Variants in KIF1B observed in about 807,000 individuals in gnomAD.
KIF1B encodes kinesin-like protein KIF1B.
A neutral mutation model predicts 241.9 loss-of-function variants in KIF1B; 76 were observed. The ratio of observed to expected loss-of-function variants is 0.31; its 90% CI spans 0.26 to 0.38. The LOEUF is 0.38. Among genes scored for constraint, KIF1B ranks in the 10% least tolerant of loss-of-function variants. The pLI is 1.00. For synonymous variants in KIF1B, 750 were observed against 796.7 expected, an observed-to-expected ratio of 0.94 and a Z score of 0.99; for missense variants, 1,622 against 2,271.4, an observed-to-expected ratio of 0.71 and a Z score of 5.81.
chr1:10,313,073 T>C (rs913919650), intron 22 of KIF1B, among the ~76,000 whole-genome samples: 2 of 151,528 alleles, frequency 1.3e-5, no homozygotes, highest in East Asian at 3.8e-4. Flanking sequence ...TTTTGTTTTT[T>C]GTTTTTTTAT....
Position 10,380,316 on chromosome 1 carries a change from G to T in KIF1B, c.*3729G>T. The T allele has an allele frequency of 4.8e-6, 1 of 209,098 alleles. No homozygotes were observed. Among genetic ancestry groups the T allele is most frequent in the Non-Finnish European group, 9.8e-6 (1 of 102,518 alleles). The allele number at this position is 209,098 out of a possible 1,614,324, so 13.0% of individuals were successfully genotyped here. A position where few individuals can be genotyped will look rare whatever the true frequency, so the allele number is the denominator to read the frequency against. On this transcript the variant is annotated 3_prime_UTR_variant, in exon 49 of 49. Coordinates refer to ENST00000676179, the MANE Select transcript of KIF1B (RefSeq NM_001365951.3). ...CTGCATTTCCCTCGTGCTGTGTCCCGCTCGGGTTCCAATGGACAGTATCAG... is the reference window on the plus strand; with the variant it reads ...CTGCATTTCCCTCGTGCTGTGTCCCTCTCGGGTTCCAATGGACAGTATCAG...
At chr1:10,313,712 G>A (rs902322275) in intron 22 of KIF1B, among the ~76,000 whole-genome samples, 10 of 150,294 alleles carry the variant, frequency 6.7e-5, no homozygotes, top group South Asian at 2.1e-4. Context: ...CACCACACCC[G>A]GCTAATTTTT....
intron 28 of KIF1B, 111 bp from the exon 29 acceptor site, chr1:10,336,546 G>A (rs574818395): frequency 6.5e-5 from 55 of 842,356 alleles, no homozygotes; most frequent in Admixed American, 2.1e-4. Flanking sequence ...TACTACTTTG[G>A]TATCATTCTC....
At chr1:10,278,741 G>A (rs1377489238) in intron 13 of KIF1B, 3 of 218,500 alleles carry the variant, frequency 1.4e-5, no homozygotes, top group Non-Finnish European at 2.7e-5. Flanking sequence ...AAAAATCTCC[G>A]TGATGTGCCT....
In KIF1B at chr1:10,374,933, C is replaced by T. The variant is rs754479325; in HGVS notation, c.5176C>T (p.Arg1726Cys). 21 of 1,613,900 alleles carry T rather than the reference C, an allele frequency of 1.3e-5. No homozygotes were observed. The highest frequency in any genetic ancestry group is 1.1e-5 in the South Asian group (1 of 91,086). The change falls in exon 47 of 49, where the codon CGT (arginine) becomes TGT (cysteine). Residue 1726 changes from arginine to cysteine, a missense_variant. This residue lies in a region of KIF1B where 357 missense variants were observed against 409.0 expected (regional missense o/e 0.87). Coordinates refer to ENST00000676179, the MANE Select transcript of KIF1B (RefSeq NM_001365951.3). The surrounding 1 kb of genome is among the most constrained non-coding windows in gnomAD (Gnocchi z 4.3). ...SNWAKHFVVV[R>C]RPYVFIYNSD... Reference sequence around the variant, plus strand: ...CTGGGCTAAACATTTTGTTGTCGTCCGTCGGCCTTATGTCTTCATCTATAA... The same window carrying T: ...CTGGGCTAAACATTTTGTTGTCGTCTGTCGGCCTTATGTCTTCATCTATAA...
Position 10,303,995 on chromosome 1 carries a change from TAA to T in KIF1B, c.2115+6750_2115+6751del. On this transcript the variant is annotated intron_variant, in intron 22 of 48. Coordinates refer to ENST00000676179, the MANE Select transcript of KIF1B (RefSeq NM_001365951.3). The surrounding 1 kb of genome is among the most constrained non-coding windows in gnomAD (Gnocchi z 5.2). ...TTTAAGAACTTGCAACAGCAGGAGATAACAAAGCAGCTTCGTCGGCAGAATGT... is the reference window on the plus strand; with the variant it reads ...TTTAAGAACTTGCAACAGCAGGAGATCAAAGCAGCTTCGTCGGCAGAATGT... The T allele has an allele frequency of 6.2e-7, 1 of 1,612,274 alleles. No homozygotes were observed. The highest frequency in any genetic ancestry group is 8.5e-7 in the Non-Finnish European group (1 of 1,179,078).
At chr1:10,307,599 C>T (rs1049839638) in intron 22 of KIF1B, 20 of 1,008,572 alleles carry the variant, frequency 2.0e-5, no homozygotes, top group Non-Finnish European at 2.1e-5. Context: ...CGTGAGCCAC[C>T]GCGCCTGGCC....
chr1:10,248,623 C>G (rs2102165247), intron 2 of KIF1B, among the ~76,000 whole-genome samples: 1 of 152,258 alleles, frequency 6.6e-6, no homozygotes, highest in East Asian at 1.9e-4. Flanking sequence ...TTATGTTATA[C>G]AAATGGAGAG....
chr1:10,349,434 C>CA (rs35456826), intron 37 of KIF1B, among the ~76,000 whole-genome samples: 48,191 of 141,774 alleles, frequency 0.34, 7,867 homozygotes, highest in Middle Eastern at 0.4. Context: ...GACTCCGTCT[C>CA]AAAAAAAAAA....
chr1:10,303,892 C>T lies in KIF1B; in HGVS notation c.2115+6646C>T, dbSNP rs1364841349. 4 of 1,614,174 alleles carry T rather than the reference C, an allele frequency of 2.5e-6. No homozygotes were observed. Among genetic ancestry groups the T allele is most frequent in the East Asian group, 2.2e-5 (1 of 44,874 alleles). On this transcript the variant is annotated intron_variant, in intron 22 of 48. Coordinates refer to ENST00000676179, the MANE Select transcript of KIF1B (RefSeq NM_001365951.3). The surrounding 1 kb of genome is among the most constrained non-coding windows in gnomAD (Gnocchi z 5.2). ...CAATGGAGAACTTGCAAAAGAAGAA[C>T]GTGTTTCCCAGCTGATGAATGGGGA...
intron 3 of KIF1B, among the ~76,000 whole-genome samples, chr1:10,257,834 C>G (rs1647887459): frequency 6.6e-6 from 1 of 152,082 alleles, no homozygotes; most frequent in African/African-American, 2.4e-5. Context: ...TGCCACCACA[C>G]CCGGCTGATT....
intron 4 of KIF1B, among the ~76,000 whole-genome samples, chr1:10,260,742 C>G (rs1026475981): frequency 7.2e-5 from 11 of 151,826 alleles, no homozygotes; most frequent in African/African-American, 1.4e-4. Context: ...TGGCGCATGC[C>G]TGTAATCCCA....
At chr1:10,283,628 A>G (rs1649544749) in intron 15 of KIF1B, among the ~76,000 whole-genome samples, 1 of 152,228 alleles carries the variant, frequency 6.6e-6, no homozygotes, top group African/African-American at 2.4e-5. Flanking sequence ...CCATCAGATG[A>G]CTGTGACAGC....
intron 1 of KIF1B, among the ~76,000 whole-genome samples, chr1:10,215,437 A>T (rs995658169): frequency 6.6e-6 from 1 of 151,626 alleles, no homozygotes. Flanking sequence ...TGGCCTCCCA[A>T]AGTGCTGGGA....
intron 17 of KIF1B, among the ~76,000 whole-genome samples, chr1:10,293,313 T>C (rs932966786): frequency 3.3e-5 from 5 of 152,132 alleles, no homozygotes; most frequent in African/African-American, 1.2e-4. Context: ...GTTACAGTTT[T>C]GGTGGAATTT....
intron 22 of KIF1B, among the ~76,000 whole-genome samples, chr1:10,310,907 GT>G (rs772979544): frequency 6.6e-6 from 1 of 151,420 alleles, no homozygotes; most frequent in Non-Finnish European, 1.5e-5. Context: ...CAATGTTTTT[GT>G]TTCACTGAGG....
chr1:10,264,189 T>G (rs1465869626), intron 5 of KIF1B, among the ~76,000 whole-genome samples: 1 of 152,232 alleles, frequency 6.6e-6, no homozygotes, highest in Admixed American at 6.5e-5. Flanking sequence ...CTCAGTTACC[T>G]ATTTTTTATG....
chr1:10,342,047 T>C lies in KIF1B; in HGVS notation c.3514-3T>C. On this transcript the variant is annotated splice_region_variant and splice_polypyrimidine_tract_variant and intron_variant, in intron 32 of 48. Transcript: ENST00000676179. ...ATCTTTTCCTAATCTTGCTTGGCTTTAGATTGCAGTGGAGATCACTGAATC... is the reference window on the plus strand; with the variant it reads ...ATCTTTTCCTAATCTTGCTTGGCTTCAGATTGCAGTGGAGATCACTGAATC... 1.3e-6 allele frequency: 2 copies of C among 1,564,012 alleles called. No individual in the cohort carries two copies. The highest frequency in any genetic ancestry group is 1.8e-6 in the Non-Finnish European group (2 of 1,134,310).
rs886044990 is a variant in KIF1B, at chr1:10,376,862, CACACAT to C, written c.*281_*286del. On this transcript the variant is annotated 3_prime_UTR_variant, in exon 49 of 49. Transcript: ENST00000676179. ...ACACACACACACACACACACACACA[CACACAT>C]ACACAGACAAAAACACAAAAACTCT... 524 of 444,560 alleles carry C rather than the reference CACACAT, an allele frequency of 1.2e-3. 1 individual carries two copies. The highest frequency in any genetic ancestry group is 3.7e-3 in the East Asian group (91 of 24,564). 27.5% of individuals were successfully genotyped at this position (444,560 alleles called of 1,614,324 possible). A position where few individuals can be genotyped will look rare whatever the true frequency, so the allele number is the denominator to read the frequency against.
Sources: allele counts gnomAD v4.1 joint callset (sites outside exome capture counted in the v4.1 genomes callset), GRCh38; gene constraint gnomAD v4.1.1; regional missense constraint gnomAD v4.1.1; non-coding constraint Gnocchi (gnomAD v3.1); transcripts MANE v1.5; gene names NCBI Gene and HGNC (gene_info 2026-07-23, HGNC 2026-07-21).